Variants in WWOX observed in about 807,000 individuals in gnomAD.
WWOX encodes WW domain containing oxidoreductase.
In WWOX, 69 loss-of-function variants were observed where a neutral mutation model predicts 46.2. The ratio of observed to expected loss-of-function variants is 1.49; its 90% confidence interval spans 1.23 to 1.82. The LOEUF is 1.82. WWOX is among the 40% of genes most tolerant of loss of function. The pLI is 0.00. For synonymous variants in WWOX, 359 were observed against 202.6 expected (o/e 1.77, Z -6.56); for missense variants, 919 against 542.6 (o/e 1.69, Z -6.89).
chr16:78,965,747 C>T (rs12929249), intron 8 of WWOX, among the ~76,000 whole-genome samples: 9,625 of 152,174 alleles, frequency 0.063, 410 homozygotes, highest in Non-Finnish European at 0.096. Context: ...ATTTAAGCAG[C>T]AACCTCTGCA....
intron 8 of WWOX, among the ~76,000 whole-genome samples, chr16:78,918,991 G>C (rs1393918323): frequency 2.6e-5 from 4 of 152,106 alleles, no homozygotes; most frequent in African/African-American, 9.7e-5. Flanking sequence ...GAACTTTCAG[G>C]TGGAAATACA....
intron 5 of WWOX, among the ~76,000 whole-genome samples, chr16:78,177,232 C>G (rs2035380156): frequency 6.6e-6 from 1 of 152,086 alleles, no homozygotes; most frequent in Non-Finnish European, 1.5e-5. Flanking sequence ...CCAAGTAGCT[C>G]CCAAATTTTC....
chr16:78,845,545 C>T (rs777769725), intron 8 of WWOX, among the ~76,000 whole-genome samples: 15 of 152,044 alleles, frequency 9.9e-5, no homozygotes, highest in Non-Finnish European at 2.1e-4. Context: ...TGTAATTTTC[C>T]CCCAAAAGCA....
intron 8 of WWOX, among the ~76,000 whole-genome samples, chr16:78,486,610 T>C (rs200326280): frequency 7.2e-6 from 1 of 138,788 alleles, no homozygotes; most frequent in East Asian, 1.9e-4. Context: ...AGTCTCACTC[T>C]GTCGCCCAGG....
At chr16:79,087,501 T>C (rs1183751815) in intron 8 of WWOX, among the ~76,000 whole-genome samples, 1 of 152,200 alleles carries the variant, frequency 6.6e-6, no homozygotes, top group Non-Finnish European at 1.5e-5. Flanking sequence ...AATCCTCATC[T>C]TAACCCTGTG....
rs386385163 is a variant in WWOX at position 78,336,505 on chromosome 16, C to CAAAAAAAAAAAAAAAAAAAAAAAAAAA, written c.517-50335_517-50334insAAAAAAAAAAAAAAAAAAAAAAAAAAA. ...TGAACTTCAGAGAGAGACTATGTCT[C>CAAAAAAAAAAAAAAAAAAAAAAAAAAA]AAAAAAAAAAAAAAAAAAAAGCCTA... is the stretch of plus-strand genomic sequence containing the variant. On this transcript the variant is annotated intron_variant, in intron 5 of 8. Transcript: ENST00000566780. 2.7e-5 allele frequency among the ~76,000 whole-genome samples: 2 copies of CAAAAAAAAAAAAAAAAAAAAAAAAAAA among 74,264 alleles called. 1 individual carries two copies. The highest frequency in any genetic ancestry group is 5.4e-5 in the Non-Finnish European group (2 of 37,076). The allele number at this position is 74,264 out of a possible 152,430, so 48.7% of individuals were successfully genotyped here.
chr16:79,071,972 T>C (rs1379547509), intron 8 of WWOX, among the ~76,000 whole-genome samples: 3 of 152,188 alleles, frequency 2.0e-5, no homozygotes, highest in Non-Finnish European at 2.9e-5. Flanking sequence ...TTACTCGTTC[T>C]TTTTTGTATT....
intron 8 of WWOX, among the ~76,000 whole-genome samples, chr16:79,194,186 T>C (rs986276100): frequency 6.6e-6 from 1 of 152,238 alleles, no homozygotes; most frequent in African/African-American, 2.4e-5. Context: ...AGAACAGCTA[T>C]GTCAAAACCA....
chr16:78,470,792 G>T (rs2084203237), intron 8 of WWOX, among the ~76,000 whole-genome samples: 1 of 152,070 alleles, frequency 6.6e-6, no homozygotes, highest in Non-Finnish European at 1.5e-5. Flanking sequence ...GCCTCCCAAA[G>T]TGCTGGGATT....
At chr16:78,629,671 T>G (rs1031080052) in intron 8 of WWOX, among the ~76,000 whole-genome samples, 4 of 152,218 alleles carry the variant, frequency 2.6e-5, no homozygotes, top group Admixed American at 6.5e-5. Flanking sequence ...GCACAGGCTC[T>G]TGTCTCTGGC....
chr16:78,355,863 A>G (rs1443085258), intron 5 of WWOX: 20 of 590,342 alleles, frequency 3.4e-5, no homozygotes, highest in South Asian at 4.6e-5. Flanking sequence ...TACGGAAAAC[A>G]GGAGACTTTG....
At chr16:78,798,738 A>C (rs2050809301) in intron 8 of WWOX, among the ~76,000 whole-genome samples, 1 of 152,214 alleles carries the variant, frequency 6.6e-6, no homozygotes, top group Non-Finnish European at 1.5e-5. Context: ...TAACAATGAT[A>C]AATGATGTTG....
At chr16:78,730,390 A>G (rs538559821) in intron 8 of WWOX, among the ~76,000 whole-genome samples, 8 of 152,134 alleles carry the variant, frequency 5.3e-5, no homozygotes, top group Non-Finnish European at 8.8e-5. Context: ...TACCAGGCAC[A>G]CTAGCTCTAT....
At chr16:78,472,919 C>G (rs2084261899) in intron 8 of WWOX, among the ~76,000 whole-genome samples, 1 of 151,794 alleles carries the variant, frequency 6.6e-6, no homozygotes, top group African/African-American at 2.4e-5. Context: ...TCTTCCCAGT[C>G]TGTGGTTTAG....
chr16:78,486,928 C>T (rs944780394), intron 8 of WWOX, among the ~76,000 whole-genome samples: 4 of 152,186 alleles, frequency 2.6e-5, no homozygotes, highest in African/African-American at 9.7e-5. Context: ...TGATCTATTC[C>T]TAATGCAGGC....
In WWOX at chr16:79,174,272, G is replaced by A. The variant is rs74541647; in HGVS notation, c.1057-37336G>A. ...TTTGTTTCTGTTTCCTTACCTGTCA[G>A]GCAGTTACTGAAAAATTATCTTTTC... is the stretch of plus-strand genomic sequence containing the variant. On this transcript the variant is annotated intron_variant, in intron 8 of 8. Coordinates refer to ENST00000566780, the MANE Select transcript of WWOX (RefSeq NM_016373.4). Among the ~76,000 whole-genome samples, 108 of 152,326 alleles carry A rather than the reference G, an allele frequency of 7.1e-4. 1 individual carries two copies. In the East Asian group the frequency reaches 0.015, roughly 21 times the overall value.
chr16:78,557,810 G>A (rs28689502), intron 8 of WWOX, among the ~76,000 whole-genome samples: 4 of 148,462 alleles, frequency 2.7e-5, no homozygotes, highest in Admixed American at 1.4e-4. Context: ...ATTCTCCTAC[G>A]TCAGCCTCCT....
intron 5 of WWOX, among the ~76,000 whole-genome samples, chr16:78,384,642 A>T (rs1016262236): frequency 6.6e-6 from 1 of 152,028 alleles, no homozygotes; most frequent in Non-Finnish European, 1.5e-5. Context: ...GAAACTAACA[A>T]CCCACGTGTG....
intron 8 of WWOX, among the ~76,000 whole-genome samples, chr16:79,200,873 A>T (rs2051334909): frequency 6.6e-6 from 1 of 152,176 alleles, no homozygotes. Flanking sequence ...GGCCCAAAAA[A>T]TGGAGGTGCA....
Sources: allele counts gnomAD v4.1 joint callset (sites outside exome capture counted in the v4.1 genomes callset), GRCh38; gene constraint gnomAD v4.1.1; transcripts MANE v1.5; gene names NCBI Gene and HGNC (gene_info 2026-07-23, HGNC 2026-07-21).